Variants in SORCS1 observed in about 807,000 individuals in gnomAD.
The protein encoded by SORCS1 is sortilin related VPS10 domain containing receptor 1, also known as VPS10 domain-containing receptor SorCS1.
A neutral mutation model predicts 146.1 loss-of-function variants in SORCS1; 60 were observed. The ratio of observed to expected loss-of-function variants is 0.41; its 90% CI spans 0.33 to 0.51. The LOEUF (loss-of-function observed/expected upper bound fraction) is 0.51, where lower values mean the gene tolerates loss of function less well. Among genes scored for constraint, SORCS1 ranks in the 20% least tolerant of loss-of-function variants. The pLI is 0.21. For synonymous variants in SORCS1, 637 were observed against 584.0 expected (o/e 1.09, Z -1.31); for missense variants, 1,352 against 1,487.6 (o/e 0.91, Z 1.50).
At chr10:107,150,360 A>G (rs1041238477) in intron 1 of SORCS1, among the ~76,000 whole-genome samples, 1 of 152,222 alleles carries the variant, frequency 6.6e-6, no homozygotes, top group East Asian at 1.9e-4. Flanking sequence ...AATCACTCTT[A>G]AGAGATTCTT....
At chr10:107,056,536 G>C (rs1960654546) in intron 1 of SORCS1, among the ~76,000 whole-genome samples, 1 of 152,214 alleles carries the variant, frequency 6.6e-6, no homozygotes, top group African/African-American at 2.4e-5. Context: ...TGGCTTTGCA[G>C]AAGGCAGCAA....
intron 1 of SORCS1, among the ~76,000 whole-genome samples, chr10:107,161,099 A>C (rs1969670296): frequency 6.6e-6 from 1 of 152,196 alleles, no homozygotes; most frequent in South Asian, 2.1e-4. Flanking sequence ...AGACGAGGCA[A>C]AACAGACATG....
chr10:107,173,196 TCA>T, the SORCS1 span, among the ~76,000 whole-genome samples: 2 of 152,202 alleles, frequency 1.3e-5, no homozygotes, highest in African/African-American at 4.8e-5. Context: ...CTCAATTAAA[TCA>T]GTTTGTACTC....
chr10:106,967,173 A>G (rs558070160), intron 1 of SORCS1, among the ~76,000 whole-genome samples: 1 of 151,634 alleles, frequency 6.6e-6, no homozygotes, highest in African/African-American at 2.4e-5. Context: ...CAAACCAGAG[A>G]GTCTGAGGAC....
intron 1 of SORCS1, among the ~76,000 whole-genome samples, chr10:107,008,831 A>C (rs574116601): frequency 6.6e-6 from 1 of 152,300 alleles, no homozygotes; most frequent in South Asian, 2.1e-4. Flanking sequence ...CCCCGTCTCT[A>C]CTAAAAATAC....
intron 1 of SORCS1, among the ~76,000 whole-genome samples, chr10:107,065,467 C>T (rs1564992239): frequency 0.072 from 1,863 of 25,914 alleles, 100 homozygotes; most frequent in African/African-American, 0.13. Context: ...TTTCTCTCTC[C>T]CTCTCCTCTC....
chr10:106,997,511 T>TCATCTCATCTCTAAG (rs1589885724), intron 1 of SORCS1, among the ~76,000 whole-genome samples: 1 of 152,058 alleles, frequency 6.6e-6, no homozygotes, highest in East Asian at 1.9e-4. Context: ...CTGCCCCAAT[T>TCATCTCATCTCTAAG]CATCTCATCT....
At chr10:106,915,933 T>G (rs551843361) in intron 2 of SORCS1, among the ~76,000 whole-genome samples, 3 of 152,144 alleles carry the variant, frequency 2.0e-5, no homozygotes, top group Non-Finnish European at 4.4e-5. Flanking sequence ...AGAAAGCCAA[T>G]TGATAAGAAA....
chr10:107,136,258 C>T lies in SORCS1; in HGVS notation c.558+27711G>A, dbSNP rs117520366. Among the ~76,000 whole-genome samples the T allele has an allele frequency of 1.2e-4, 19 of 152,270 alleles. 1 individual carries two copies. The East Asian group carries it at 3.1e-3, about 25-fold the overall frequency. On this transcript the variant is annotated intron_variant, in intron 1 of 25. Coordinates refer to ENST00000263054, the MANE Select transcript of SORCS1 (RefSeq NM_052918.5). ...CTTTTCACAGGAGTGACTCTGGAAC[C>T]CATATGCAGGGGAGAGGACAAAAGT...
intron 1 of SORCS1, among the ~76,000 whole-genome samples, chr10:106,968,731 G>A (rs1955628346): frequency 6.6e-6 from 1 of 152,146 alleles, no homozygotes; most frequent in African/African-American, 2.4e-5. Context: ...AATAAAAACT[G>A]AAAAGAATGC....
chr10:106,798,336 C>T (rs1474131931), intron 3 of SORCS1, among the ~76,000 whole-genome samples: 6 of 152,270 alleles, frequency 3.9e-5, no homozygotes, highest in East Asian at 1.9e-4. Context: ...ATGTGCACAA[C>T]GTGCAGGTTT....
chr10:107,166,009 A>T (rs1970040578), upstream of SORCS1, among the ~76,000 whole-genome samples: 1 of 152,204 alleles, frequency 6.6e-6, no homozygotes. Flanking sequence ...ATTTCTCAAA[A>T]TCCAATCCTT....
At chr10:107,130,050 A>ACAAACTATCAAG (rs1966850995) in intron 1 of SORCS1, among the ~76,000 whole-genome samples, 2 of 152,370 alleles carry the variant, frequency 1.3e-5, no homozygotes, top group African/African-American at 4.8e-5. Flanking sequence ...GGGAAAAAGA[A>ACAAACTATCAAG]CAAACTATCA....
At chr10:106,836,186 G>T (rs1027827013) in intron 2 of SORCS1, among the ~76,000 whole-genome samples, 1 of 151,822 alleles carries the variant, frequency 6.6e-6, no homozygotes, top group African/African-American at 2.4e-5. Context: ...ACAGAACTTG[G>T]GAGGTGCGCC....
chr10:106,728,460 T>C (rs557266274), intron 6 of SORCS1, among the ~76,000 whole-genome samples: 100 of 152,284 alleles, frequency 6.6e-4, no homozygotes, highest in Non-Finnish European at 1.1e-3. Flanking sequence ...TCAGGCACAG[T>C]GCTGGGCATG....
intron 4 of SORCS1, among the ~76,000 whole-genome samples, chr10:106,765,622 G>A (rs930154379): frequency 4.6e-5 from 7 of 152,106 alleles, no homozygotes; most frequent in African/African-American, 9.7e-5. Context: ...TAGCCTGGGG[G>A]AGGGAAAGAA....
intron 2 of SORCS1, among the ~76,000 whole-genome samples, chr10:106,885,331 A>T (rs1461331733): frequency 1.3e-5 from 2 of 152,206 alleles, no homozygotes; most frequent in East Asian, 3.9e-4. Context: ...ATTAGTTTTC[A>T]ATTTCCTCTA....
intron 3 of SORCS1, among the ~76,000 whole-genome samples, chr10:106,803,496 G>T (rs1370458321): frequency 6.6e-6 from 1 of 152,164 alleles, no homozygotes; most frequent in Admixed American, 6.5e-5. Flanking sequence ...GTACATTTGA[G>T]TGATTAGATT....
chr10:106,642,871 G>A (rs1229734416), intron 18 of SORCS1, among the ~76,000 whole-genome samples: 1 of 152,206 alleles, frequency 6.6e-6, no homozygotes, highest in Non-Finnish European at 1.5e-5. Flanking sequence ...TCTCAGAGAA[G>A]CCAGGAGGAA....
Sources: allele counts gnomAD v4.1 joint callset (sites outside exome capture counted in the v4.1 genomes callset), GRCh38; gene constraint gnomAD v4.1.1; transcripts MANE v1.5; gene names NCBI Gene and HGNC (gene_info 2026-07-23, HGNC 2026-07-21).